Variants in SAFB observed in about 807,000 individuals in gnomAD.
SAFB encodes scaffold attachment factor B1.
SAFB carries 15 observed loss-of-function variants against 101.6 expected under a neutral mutation model. The ratio of observed to expected loss-of-function variants is 0.15; its 90% CI spans 0.10 to 0.23. SAFB has a LOEUF of 0.23. Among genes scored for constraint, SAFB ranks in the 10% least tolerant of loss-of-function variants. The pLI is 1.00. For synonymous variants in SAFB, 449 were observed against 407.5 expected, an observed-to-expected ratio of 1.10 and a Z score of -1.23; for missense variants, 930 against 1,104.1, an observed-to-expected ratio of 0.84 and a Z score of 2.23.
chr19:5,655,879 T>C (rs1256750812), intron 13 of SAFB, among the ~76,000 whole-genome samples: 1 of 152,200 alleles, frequency 6.6e-6, no homozygotes, highest in Non-Finnish European at 1.5e-5. Context: ...CCGGAAGTGC[T>C]TCATTTGGGA....
rs577871214 is a variant in SAFB at position 5,634,349 on chromosome 19, G to A, written c.275-7245G>A. Among the ~76,000 whole-genome samples, 8 of 152,168 alleles carry A rather than the reference G, an allele frequency of 5.3e-5. 1 individual carries two copies. In the South Asian group the frequency reaches 1.7e-3, roughly 32 times the overall value. The stretch of plus-strand genomic sequence containing the variant: ...AATTCTGGGCGGGGGGGAATACAGG[G>A]ATTTCCTCTAATTTTGATGATAGGA... On this transcript the variant is annotated intron_variant, in intron 2 of 20. Transcript: ENST00000588852.
intron 13 of SAFB, among the ~76,000 whole-genome samples, chr19:5,656,567 C>T (rs973881234): frequency 2.7e-5 from 4 of 148,622 alleles, no homozygotes; most frequent in South Asian, 2.1e-4. Context: ...TGAGCCACTG[C>T]GCCAGCAATT....
Position 5,623,408 on chromosome 19 carries a change from C to T in SAFB, c.189+14C>T, listed in dbSNP as rs941720533. 1.9e-6 allele frequency: 3 copies of T among 1,610,020 alleles called. No individual in the cohort carries two copies. The highest frequency in any genetic ancestry group is 1.7e-5 in the Admixed American group (1 of 59,938). On this transcript the variant is annotated intron_variant, in intron 1 of 20. Transcript: ENST00000588852. ...CGGCTGAAGAAGGTGGATTTGGGGC[C>T]CCGAGGGCGGGCACAGGGTGGGTCT...
At position 5,651,023 on chromosome 19, in the gene SAFB, C is replaced by T; in HGVS notation, c.1244C>T (p.Ser415Phe). The change falls in exon 9 of 21, where the codon TCT (serine) becomes TTT (phenylalanine). Residue 415 changes from serine (S) to phenylalanine (F), a missense_variant. Ser to Phe is a radical substitution (Grantham distance 155, BLOSUM62 -2). Transcript: ENST00000588852. ...GRNFWVSGLS[S>F]TTRATDLKNL... ...AATTTCTGGGTTAGTGGACTCTCTT[C>T]TACAACCAGAGCTACAGATTTGAAG... 1 of 1,610,598 alleles carries T rather than the reference C, an allele frequency of 6.2e-7. No homozygotes were observed. Among genetic ancestry groups the T allele is most frequent in the Non-Finnish European group, 8.5e-7 (1 of 1,178,180 alleles).
chr19:5,667,024 C>T lies in SAFB; in HGVS notation c.2335-22C>T, dbSNP rs747214198. The T allele has an allele frequency of 6.7e-7, 1 of 1,490,372 alleles. No homozygotes were observed. The highest frequency in any genetic ancestry group is 1.7e-5 in the Admixed American group (1 of 59,882). 92.3% of individuals were successfully genotyped at this position (1,490,372 alleles called of 1,614,324 possible). ...CGCTGACACTGAAGCTTTTTTTTCCCTTCTGGCTCTGTGATGTCCAGCATT... is the reference window on the plus strand; with the variant it reads ...CGCTGACACTGAAGCTTTTTTTTCCTTTCTGGCTCTGTGATGTCCAGCATT... On this transcript the variant is annotated intron_variant, in intron 17 of 20. Coordinates refer to ENST00000588852, the MANE Select transcript of SAFB (RefSeq NM_001201338.2). The surrounding 1 kb of genome is among the most constrained non-coding windows in gnomAD (Gnocchi z 4.0).
In SAFB at chr19:5,661,640, A is replaced by T; in HGVS notation, c.1985A>T (p.Glu662Val). The change falls in exon 15 of 21, where the codon GAG becomes GTG. Residue 662 changes from glutamate to valine, a missense_variant. Physicochemically the swap from Glu to Val is moderately radical, Grantham distance 121. Coordinates refer to ENST00000588852, the MANE Select transcript of SAFB (RefSeq NM_001201338.2). ...LAFQRQRLERERMERERLERE... is the reference protein window; with the variant it reads ...LAFQRQRLERVRMERERLERE... ...TTCCAGCGCCAGCGGCTGGAGCGGG[A>T]GCGCATGGAGCGGGAACGGCTGGAG... 1 of 1,612,226 alleles carries T rather than the reference A, an allele frequency of 6.2e-7. No homozygotes were observed. The highest frequency in any genetic ancestry group is 8.5e-7 in the Non-Finnish European group (1 of 1,179,646).
rs1024768885 is a variant in SAFB, at chr19:5,653,013, G to A, written c.1294-102G>A. On this transcript the variant is annotated intron_variant, in intron 9 of 20. Transcript: ENST00000588852. Reference sequence around the variant, plus strand: ...CATTGTCCTCCCCAGTCTAACACTTGTCGGACCCCTGATGAGCAGACTTCC... The same window carrying A: ...CATTGTCCTCCCCAGTCTAACACTTATCGGACCCCTGATGAGCAGACTTCC... The A allele has an allele frequency of 1.0e-5, 12 of 1,186,456 alleles. No individual in the cohort carries two copies. The Admixed American group carries it at 1.4e-4, about 14-fold the overall frequency. 73.5% of individuals were successfully genotyped at this position (1,186,456 alleles called of 1,614,324 possible).
chr19:5,632,672 C>T (rs535136734), intron 2 of SAFB, among the ~76,000 whole-genome samples: 5 of 152,262 alleles, frequency 3.3e-5, no homozygotes, highest in Admixed American at 3.3e-4. Flanking sequence ...GGGTTCTCCC[C>T]GCCCCATAAT....
chr19:5,623,446 G>A (rs1346746317), intron 1 of SAFB, 52 bp downstream of exon 1: 1 of 1,499,154 alleles, frequency 6.7e-7, no homozygotes, highest in Non-Finnish European at 9.1e-7. Flanking sequence ...GGTCCTCTTG[G>A]CCGCGACGGT....
At chr19:5,636,406 C>G (rs2053597051) in intron 2 of SAFB, among the ~76,000 whole-genome samples, 1 of 151,926 alleles carries the variant, frequency 6.6e-6, no homozygotes, top group African/African-American at 2.4e-5. Flanking sequence ...GGGTTGAGTT[C>G]CAGCTGTTTT....
In SAFB at chr19:5,667,399, C is replaced by G. The variant is rs2054356458; in HGVS notation, c.2506C>G (p.Gln836Glu). Residue 836 changes from glutamine to glutamate, a missense_variant, in exon 19 of 21, where the codon CAG becomes GAG. Gln to Glu is a conservative substitution (Grantham distance 29). Transcript: ENST00000588852. The surrounding 1 kb of genome is among the most constrained non-coding windows in gnomAD (Gnocchi z 4.0). ...HGRREDDRSW[Q>E]GTADGGMMDR... ...CCGAAGAGAGGATGACCGGTCATGG[C>G]AGGGCACGGCCGACGGGGGCATGAT... The G allele has an allele frequency of 1.3e-6, 2 of 1,514,518 alleles. No homozygotes were observed. Among genetic ancestry groups the G allele is most frequent in the Non-Finnish European group, 1.8e-6 (2 of 1,137,332 alleles). The allele number at this position is 1,514,518 out of a possible 1,614,324, so 93.8% of individuals were successfully genotyped here.
chr19:5,658,834 C>G (rs2054126718), intron 14 of SAFB, among the ~76,000 whole-genome samples: 1 of 133,552 alleles, frequency 7.5e-6, no homozygotes, highest in African/African-American at 2.8e-5. Flanking sequence ...CAGAGCAAGA[C>G]TCCATCTCAA....
rs368134908 is a variant in SAFB at position 5,664,143 on chromosome 19, G to A, written c.2275G>A (p.Asp759Asn). The A allele has an allele frequency of 3.2e-5, 52 of 1,613,660 alleles. No homozygotes were observed. The highest frequency in any genetic ancestry group is 2.1e-4 in the African/African-American group (16 of 74,916). Reference sequence around the variant, plus strand: ...CCACAGGGACCGCGGCCGCTACCCCGACCACTCGGTGGACAGGTCAGTTGG... The same window carrying A: ...CCACAGGGACCGCGGCCGCTACCCCAACCACTCGGTGGACAGGTCAGTTGG... ...FDHRDRGRYP[D>N]HSVDRREGSR... Residue 759 changes from aspartate to asparagine, a missense_variant, in exon 16 of 21, where the codon GAC becomes AAC. Asp to Asn is a conservative substitution (Grantham distance 23). Coordinates refer to ENST00000588852, the MANE Select transcript of SAFB (RefSeq NM_001201338.2).
chr19:5,651,487 C>T (rs1283995750), intron 9 of SAFB, among the ~76,000 whole-genome samples: 1 of 152,210 alleles, frequency 6.6e-6, no homozygotes, highest in Non-Finnish European at 1.5e-5. Context: ...GATAGGGGTC[C>T]TCACCACGGG....
chr19:5,655,474 A>C lies in SAFB; in HGVS notation c.1755+1018A>C, dbSNP rs998390259. 1.2e-3 allele frequency among the ~76,000 whole-genome samples: 176 copies of C among 151,722 alleles called. 1 individual carries two copies. Among genetic ancestry groups the C allele is most frequent in the African/African-American group, 4.0e-3 (166 of 41,376 alleles). On this transcript the variant is annotated intron_variant, in intron 13 of 20. Coordinates refer to ENST00000588852, the MANE Select transcript of SAFB (RefSeq NM_001201338.2). ...GACCCCATCTCAAAAAAAAAAAAAAAAAAAAACACACACCTATTATTTGCA... is the reference window on the plus strand; with the variant it reads ...GACCCCATCTCAAAAAAAAAAAAAACAAAAAACACACACCTATTATTTGCA...
chr19:5,642,125 A>C, intron 4 of SAFB, 179 bp downstream of exon 4: 2 of 684,318 alleles, frequency 2.9e-6, no homozygotes, highest in Non-Finnish European at 5.3e-6. Context: ...GATGTCTTAT[A>C]ACATTTCATA....
intron 17 of SAFB, 167 bp from the exon 18 acceptor site, chr19:5,666,879 C>T (rs1480500599): frequency 2.1e-5 from 15 of 719,140 alleles, no homozygotes; most frequent in Non-Finnish European, 3.8e-5. Context: ...GGGCCTCTGG[C>T]CTGCAGATTT....
intron 6 of SAFB, 26 bp downstream of exon 6, chr19:5,648,069 G>A (rs1050003291): frequency 6.3e-7 from 1 of 1,596,068 alleles, no homozygotes; most frequent in Non-Finnish European, 8.6e-7. Context: ...AAACTTACCA[G>A]CGGGGGTTTG....
intron 9 of SAFB, among the ~76,000 whole-genome samples, chr19:5,652,315 A>G (rs1282305601): frequency 1.3e-5 from 2 of 152,146 alleles, no homozygotes; most frequent in Non-Finnish European, 2.9e-5. Flanking sequence ...CTCCCCTACT[A>G]GACCCCCTTT....
Sources: allele counts gnomAD v4.1 joint callset (sites outside exome capture counted in the v4.1 genomes callset), GRCh38; gene constraint gnomAD v4.1.1; non-coding constraint Gnocchi (gnomAD v3.1); transcripts MANE v1.5; gene names NCBI Gene and HGNC (gene_info 2026-07-23, HGNC 2026-07-21).